LRRFIP1: variants seen among roughly 807,000 people sequenced by gnomAD.
LRRFIP1 encodes the protein leucine-rich repeat flightless-interacting protein 1.
Under a neutral mutation model 104.4 loss-of-function variants are expected in LRRFIP1, and 62 were observed. That is an observed-to-expected ratio of 0.59 (90% CI 0.48 to 0.73). The LOEUF (loss-of-function observed/expected upper bound fraction) is 0.73, where lower values mean the gene tolerates loss of function less well. Ranked by LOEUF, LRRFIP1 falls within the 30% of genes least tolerant of loss-of-function variation. The pLI is 0.00. For missense variants in LRRFIP1, 796 were observed against 824.5 expected, an observed-to-expected ratio of 0.97 and a Z score of 0.42; for synonymous variants, 300 against 299.0, an observed-to-expected ratio of 1.00 and a Z score of -0.03.
intron 1 of LRRFIP1, among the ~76,000 whole-genome samples, chr2:237,692,973 C>T (rs955064702): frequency 1.3e-5 from 2 of 152,186 alleles, no homozygotes; most frequent in African/African-American, 2.4e-5. Context: ...CCGCTCAGCA[C>T]CTGGGGACCA....
At chr2:237,749,158 G>T in intron 12 of LRRFIP1, 41 bp from the exon 13 acceptor site, 7 of 1,602,640 alleles carry the variant, frequency 4.4e-6, no homozygotes, top group Non-Finnish European at 6.0e-6. Context: ...TGGGGACACA[G>T]AGCTAAACCA....
At chr2:237,631,036 G>A (rs2082273669) in intron 1 of LRRFIP1, among the ~76,000 whole-genome samples, 1 of 152,220 alleles carries the variant, frequency 6.6e-6, no homozygotes, top group Admixed American at 6.5e-5. Context: ...GGCAAAGGGG[G>A]GTGGGTCTAC....
intron 1 of LRRFIP1, among the ~76,000 whole-genome samples, chr2:237,629,849 C>T (rs2082102301): frequency 6.6e-6 from 1 of 151,982 alleles, no homozygotes; most frequent in Non-Finnish European, 1.5e-5. Context: ...TGAGGTCCTC[C>T]CTCCCACCGA....
intron 10 of LRRFIP1, among the ~76,000 whole-genome samples, chr2:237,736,319 AG>A (rs1248053180): frequency 3.9e-5 from 6 of 152,242 alleles, no homozygotes; most frequent in African/African-American, 1.4e-4. Context: ...AGTATTTTGC[AG>A]CCCACTATAT....
At chr2:237,732,381 C>CA (rs1473819037) in intron 8 of LRRFIP1, among the ~76,000 whole-genome samples, 38 of 152,324 alleles carry the variant, frequency 2.5e-4, no homozygotes, top group African/African-American at 9.1e-4. Flanking sequence ...CTGGCTCCCA[C>CA]ACCCCTGTCT....
rs1471231036 is a variant in LRRFIP1, at chr2:237,691,131, G to C, written c.97-17413G>C. Among the ~76,000 whole-genome samples, 2 of 151,914 alleles carry C rather than the reference G, an allele frequency of 1.3e-5. No homozygotes were observed. The highest frequency in any genetic ancestry group is 3.8e-4 in the East Asian group (2 of 5,196). ...AAGTTGGGTCAGCGTGCAGAGAAAA[G>C]GGAATTGGGAATTGGAGGGCTGTAA... is the stretch of plus-strand genomic sequence containing the variant. On this transcript the variant is annotated intron_variant, in intron 1 of 23. Transcript: ENST00000308482. The surrounding 1 kb of genome is among the most constrained non-coding windows in gnomAD (Gnocchi z 5.4).
intron 1 of LRRFIP1, among the ~76,000 whole-genome samples, chr2:237,632,620 G>A (rs533318780): frequency 3.9e-5 from 6 of 152,090 alleles, no homozygotes; most frequent in Non-Finnish European, 7.4e-5. Flanking sequence ...ATCAACCTGT[G>A]CGGAGGGAGC....
intron 1 of LRRFIP1, among the ~76,000 whole-genome samples, chr2:237,697,383 T>TG (rs1353601210): frequency 1.3e-5 from 2 of 152,238 alleles, no homozygotes; most frequent in Admixed American, 6.5e-5. Context: ...GCTGTGAAAC[T>TG]TGTTTTGCTA....
chr2:237,704,366 C>T (rs924435540), intron 1 of LRRFIP1, among the ~76,000 whole-genome samples: 5 of 151,996 alleles, frequency 3.3e-5, no homozygotes, highest in African/African-American at 1.2e-4. Flanking sequence ...GTTGGCCAGG[C>T]TGGTCTCAAT....
Position 237,717,858 on chromosome 2 carries a change from TAC to T in LRRFIP1, c.249+51_249+52del. The T allele has an allele frequency of 7.3e-7, 1 of 1,365,104 alleles. No homozygotes were observed. Among genetic ancestry groups the T allele is most frequent in the Non-Finnish European group, 1.0e-6 (1 of 952,842 alleles). 84.6% of individuals were successfully genotyped at this position (1,365,104 alleles called of 1,614,324 possible). ...TTTTACTCTTCCCTCCCCACTTGAA[TAC>T]AGTGTTGAGACTTAAATGGTTTATA... On this transcript the variant is annotated intron_variant, in intron 4 of 23. Transcript: ENST00000308482. This position sits in a 1 kb window ranked among gnomAD's most constrained non-coding sequence, Gnocchi z 4.2.
intron 20 of LRRFIP1, chr2:237,770,209 G>T: frequency 3.9e-6 from 2 of 513,960 alleles, no homozygotes; most frequent in South Asian, 2.8e-5. Context: ...GGTTTAATAA[G>T]GATGTCTCAA....
At chr2:237,739,171 C>T in intron 10 of LRRFIP1, 61 bp from the exon 11 acceptor site, 1 of 1,452,228 alleles carries the variant, frequency 6.9e-7, no homozygotes, top group Non-Finnish European at 9.4e-7. Flanking sequence ...TCTCCTTGCT[C>T]CTTTGCTGAC....
intron 1 of LRRFIP1, among the ~76,000 whole-genome samples, chr2:237,674,868 G>A (rs1237536485): frequency 6.6e-6 from 1 of 152,244 alleles, no homozygotes; most frequent in East Asian, 1.9e-4. Flanking sequence ...GGACGTGCAC[G>A]CACGTGCTGG....
intron 1 of LRRFIP1, among the ~76,000 whole-genome samples, chr2:237,633,149 C>T (rs72991724): frequency 0.23 from 35,036 of 152,056 alleles, 4,559 homozygotes; most frequent in East Asian, 0.43. Context: ...GGAACCCAGC[C>T]GCAGTGGAGT....
Position 237,729,179 on chromosome 2 carries a change from G to A in LRRFIP1, c.444+1244G>A, listed in dbSNP as rs141615541. ...TGACCTCAGGTGATCTGCGCACCTC[G>A]GCCTCCCAAAATGCTGGGATTACAG... On this transcript the variant is annotated intron_variant, in intron 8 of 23. Coordinates refer to ENST00000308482, the MANE Select transcript of LRRFIP1 (RefSeq NM_001137550.2). 6.8e-3 allele frequency among the ~76,000 whole-genome samples: 1,029 copies of A among 152,236 alleles called. 18 individuals are homozygous for A. Among genetic ancestry groups the A allele is most frequent in the African/African-American group, 0.022 (899 of 41,558 alleles).
chr2:237,764,006 G>A lies in LRRFIP1; in HGVS notation c.1459+3801G>A, dbSNP rs749640370. 5 of 1,614,094 alleles carry A rather than the reference G, an allele frequency of 3.1e-6. No homozygotes were observed. In the African/African-American group the frequency reaches 6.7e-5, roughly 22 times the overall value. ...AAGTCAGACCGTCAGGAAAGCTTTA[G>A]ACAGCAATAGCCTAGAGAACGATGA... On this transcript the variant is annotated intron_variant, in intron 19 of 23. Coordinates refer to ENST00000308482, the MANE Select transcript of LRRFIP1 (RefSeq NM_001137550.2).
intron 11 of LRRFIP1, 99 bp from the exon 12 acceptor site, chr2:237,748,265 A>ATGTTT (rs951465118): frequency 3.1e-5 from 29 of 932,486 alleles, no homozygotes; most frequent in African/African-American, 5.0e-5. Flanking sequence ...AAGGAAGCAA[A>ATGTTT]TGTTTTGTTT....
chr2:237,715,710 G>C (rs931203733), intron 3 of LRRFIP1, among the ~76,000 whole-genome samples: 1 of 152,248 alleles, frequency 6.6e-6, no homozygotes, highest in South Asian at 2.1e-4. Context: ...GCTGCTTTGC[G>C]GAACAGTTTC....
chr2:237,760,587 C>T (rs2059755113), intron 19 of LRRFIP1, among the ~76,000 whole-genome samples: 1 of 152,198 alleles, frequency 6.6e-6, no homozygotes, highest in African/African-American at 2.4e-5. Flanking sequence ...GATTCTATGA[C>T]AGAATTATCA....
Sources: gnomAD v4.1 joint callset for allele counts (sites outside exome capture counted in the v4.1 genomes callset) on GRCh38, gnomAD v4.1.1 for gene constraint, Gnocchi (gnomAD v3.1) non-coding constraint, MANE v1.5 for transcripts, NCBI Gene and HGNC (gene_info 2026-07-23, HGNC 2026-07-21) for gene names.